RNF149: variants seen among roughly 807,000 people sequenced by gnomAD.
RNF149 encodes the protein ring finger protein 149, also known as E3 ubiquitin-protein ligase RNF149.
Under a neutral mutation model 39.0 loss-of-function variants are expected in RNF149, and 21 were observed. That is an observed-to-expected ratio of 0.54 (90% confidence interval 0.38 to 0.77). The LOEUF (loss-of-function observed/expected upper bound fraction) is 0.77. Among genes scored for constraint, RNF149 ranks in the 30% least tolerant of loss-of-function variants. RNF149 has a pLI of 0.00. For synonymous variants in RNF149, 209 were observed against 213.6 expected (o/e 0.98, Z 0.19); for missense variants, 493 against 534.9 (o/e 0.92, Z 0.77).
chr2:101,277,631 C>T (rs1682397999), intron 6 of RNF149, among the ~76,000 whole-genome samples: 1 of 152,150 alleles, frequency 6.6e-6, no homozygotes, highest in South Asian at 2.1e-4. Context: ...TCAGGTGATC[C>T]ACCCACCTCA....
At chr2:101,281,538 C>T (rs1682585907) in intron 6 of RNF149, 1 of 221,148 alleles carries the variant, frequency 4.5e-6, no homozygotes, top group African/African-American at 2.3e-5. Flanking sequence ...CTCTGTCACC[C>T]AGGCTCAGGC....
chr2:101,308,472 C>G lies in RNF149; in HGVS notation c.117G>C (p.Ser39=), dbSNP rs11537547. 3.1e-4 allele frequency: 501 copies of G among 1,611,342 alleles called. No individual in the cohort carries two copies. The African/African-American group carries it at 6.1e-3, about 20-fold the overall frequency. The change falls in exon 1 of 7, where the codon TCG becomes TCC. Residue 39 remains serine, a synonymous_variant. Coordinates refer to ENST00000295317, the MANE Select transcript of RNF149 (RefSeq NM_173647.4). The part of the protein sequence containing the change: ...GARGRALEWF[S]AVVNIEYVDP... ...CCACGTACTCGATGTTTACCACGGC[C>G]GAGAACCACTCGAGAGCCCGGCCCC...
downstream of RNF149, among the ~76,000 whole-genome samples, chr2:101,274,888 G>A (rs965373730): frequency 1.3e-5 from 2 of 151,992 alleles, no homozygotes; most frequent in Non-Finnish European, 2.9e-5. Flanking sequence ...CCAGGTTCAA[G>A]AGAATCTCCT....
chr2:101,306,429 G>T (rs1023347454), intron 1 of RNF149, among the ~76,000 whole-genome samples: 1 of 152,230 alleles, frequency 6.6e-6, no homozygotes, highest in African/African-American at 2.4e-5. Context: ...CCTGGGTACC[G>T]TGACAATAGA....
At chr2:101,302,811 T>G (rs1431948879) in intron 1 of RNF149, among the ~76,000 whole-genome samples, 2 of 151,898 alleles carry the variant, frequency 1.3e-5, no homozygotes, top group African/African-American at 4.8e-5. Flanking sequence ...AGACCCCATC[T>G]CTACAAAACA....
At chr2:101,275,061 C>T (rs1242590731), downstream of RNF149, among the ~76,000 whole-genome samples, 1 of 148,256 alleles carries the variant, frequency 6.7e-6, no homozygotes, top group African/African-American at 2.5e-5. Flanking sequence ...TCTCAAAGTG[C>T]TGGGTTTAGA....
At chr2:101,286,007 C>T in intron 5 of RNF149, 74 bp downstream of exon 5, 1 of 853,976 alleles carries the variant, frequency 1.2e-6, no homozygotes, top group Non-Finnish European at 2.0e-6. Context: ...CCTCTTGTTT[C>T]TAGTCAATAA....
chr2:101,280,986 T>C (rs1682562280), intron 6 of RNF149, among the ~76,000 whole-genome samples: 1 of 152,080 alleles, frequency 6.6e-6, no homozygotes, highest in Non-Finnish European at 1.5e-5. Context: ...GTGAGCTGTG[T>C]TCTCATCACT....
chr2:101,285,651 T>G (rs1682767012), intron 5 of RNF149, among the ~76,000 whole-genome samples: 1 of 152,210 alleles, frequency 6.6e-6, no homozygotes, highest in African/African-American at 2.4e-5. Context: ...GTCTATTTGA[T>G]TCTGAAACCT....
At chr2:101,271,411 G>C (rs905327439), downstream of RNF149, 21 of 152,162 alleles carry the variant, frequency 1.4e-4, no homozygotes, top group African/African-American at 5.1e-4. Flanking sequence ...GGGAGGCCAA[G>C]GTGGGTGGAT....
At chr2:101,272,026 A>G (rs376251936), downstream of RNF149, among the ~76,000 whole-genome samples, 66 of 152,326 alleles carry the variant, frequency 4.3e-4, no homozygotes, top group African/African-American at 1.5e-3. Flanking sequence ...TTTTAAGGGT[A>G]TCTGGAAAAT....
Position 101,282,014 on chromosome 2 carries a change from G to C in RNF149, c.1004C>G (p.Pro335Arg). 6.2e-7 allele frequency: 1 copy of C among 1,614,014 alleles called. No homozygotes were observed. The highest frequency in any genetic ancestry group is 1.3e-5 in the African/African-American group (1 of 74,986). Reference protein sequence around the residue: ...DVQEMPAPESPPGRDPAANLS... With the variant: ...DVQEMPAPESRPGRDPAANLS... ...ATTTGCAGCTGGATCCCTTCCAGGA[G>C]GAGATTCTGGAGCAGGCATCTCCTG... Residue 335 changes from proline to arginine, a missense_variant, in exon 6 of 7, where the codon CCT becomes CGT. By Grantham distance (103) the Pro-to-Arg change is moderately radical. Transcript: ENST00000295317.
At chr2:101,302,358 A>C (rs1558795098) in intron 1 of RNF149, among the ~76,000 whole-genome samples, 1 of 152,230 alleles carries the variant, frequency 6.6e-6, no homozygotes, top group Non-Finnish European at 1.5e-5. Context: ...AATTTGGTGA[A>C]TTCATCAATA....
rs1042197439 is a variant in RNF149, at chr2:101,292,739, C to T, written c.780+1275G>A. On this transcript the variant is annotated intron_variant, in intron 3 of 6. Coordinates refer to ENST00000295317, the MANE Select transcript of RNF149 (RefSeq NM_173647.4). ...CGAGATTGCGCCACTGCACTCCAGC[C>T]TGGGTGACAGAGCGAGACTCCATCT... Among the ~76,000 whole-genome samples, 4 of 152,034 alleles carry T rather than the reference C, an allele frequency of 2.6e-5. No individual in the cohort carries two copies. The East Asian group carries it at 7.7e-4, about 29-fold the overall frequency.
At chr2:101,291,447 C>A (rs921112558) in intron 3 of RNF149, among the ~76,000 whole-genome samples, 2 of 151,242 alleles carry the variant, frequency 1.3e-5, no homozygotes, top group African/African-American at 4.9e-5. Flanking sequence ...CCACGCCCAG[C>A]CTATTTTTTT....
Position 101,308,162 on chromosome 2 carries a change from A to G in RNF149, c.427T>C (p.Tyr143His), listed in dbSNP as rs1321740631. Reference sequence around the variant, plus strand: ...GACATGGGCAAGGTGATGTTCCCGTAGCGCTCCTCATTGTAGAGGACGACG... The same window carrying G: ...GACATGGGCAAGGTGATGTTCCCGTGGCGCTCCTCATTGTAGAGGACGACG... ...SAVVLYNEER[Y>H]GNITLPMSHA... The change falls in exon 1 of 7, where the codon TAC becomes CAC. Residue 143 changes from tyrosine to histidine, a missense_variant. By Grantham distance (83) the Tyr-to-His change is moderately conservative. Coordinates refer to ENST00000295317, the MANE Select transcript of RNF149 (RefSeq NM_173647.4). The G allele has an allele frequency of 8.7e-6, 14 of 1,610,206 alleles. No homozygotes were observed. The South Asian group carries it at 1.3e-4, about 15-fold the overall frequency.
chr2:101,285,453 G>A (rs1682761030), intron 5 of RNF149, among the ~76,000 whole-genome samples: 1 of 152,138 alleles, frequency 6.6e-6, no homozygotes. Context: ...TAATCAGTAA[G>A]ATGGGAATAG....
chr2:101,308,024 C>T (rs919173317), intron 1 of RNF149, 105 bp downstream of exon 1: 1 of 1,486,994 alleles, frequency 6.7e-7, no homozygotes, highest in East Asian at 2.5e-5. Context: ...GCCTGAGAGC[C>T]GTGCCAGGCC....
intron 1 of RNF149, among the ~76,000 whole-genome samples, chr2:101,302,448 C>T (rs1219903970): frequency 6.6e-6 from 1 of 152,088 alleles, no homozygotes; most frequent in Non-Finnish European, 1.5e-5. Context: ...GTTAGGAGGA[C>T]CCCAACGTAA....
Sources: gnomAD v4.1 joint callset for allele counts (sites outside exome capture counted in the v4.1 genomes callset) on GRCh38, gnomAD v4.1.1 for gene constraint, MANE v1.5 for transcripts, NCBI Gene and HGNC (gene_info 2026-07-23, HGNC 2026-07-21) for gene names.